Variants in LAMA5 observed in about 807,000 individuals in gnomAD.
The protein encoded by LAMA5 is laminin subunit alpha-5.
LAMA5 carries 260 observed loss-of-function variants against 433.4 expected under a neutral mutation model. That is an observed-to-expected ratio of 0.60 (90% CI 0.54 to 0.66). The LOEUF is 0.66. LAMA5 is among the 30% of genes least tolerant of loss of function. The pLI is 0.00. For synonymous variants in LAMA5, 2,620 were observed against 2,226.6 expected (o/e 1.18, Z -4.97); for missense variants, 5,378 against 5,258.5 (o/e 1.02, Z -0.70).
rs992071073 is a variant in LAMA5, at chr20:62,359,456, C to G, written c.450+2944G>C. 7.1e-6 allele frequency among the ~76,000 whole-genome samples: 1 copy of G among 141,542 alleles called. No homozygotes were observed. Among genetic ancestry groups the G allele is most frequent in the Non-Finnish European group, 1.5e-5 (1 of 65,062 alleles). 92.9% of individuals were successfully genotyped at this position (141,542 alleles called of 152,430 possible). ...GGCCATGTGCCTGGGCAGTCATGAA[C>G]GCGCTCACCCTTCCCTGGGCCTGGG... On this transcript the variant is annotated intron_variant, in intron 2 of 79. Transcript: ENST00000252999. This position sits in a 1 kb window ranked among gnomAD's most constrained non-coding sequence, Gnocchi z 4.3.
At chr20:62,335,827 G>A (rs893720178) in intron 18 of LAMA5, among the ~76,000 whole-genome samples, 1 of 111,664 alleles carries the variant, frequency 9.0e-6, no homozygotes, top group Non-Finnish European at 1.8e-5. Context: ...TTCCCTCCAG[G>A]ACACCCTCAT....
Position 62,355,083 on chromosome 20 carries a change from A to G in LAMA5, c.451-1832T>C, listed in dbSNP as rs75206125. On this transcript the variant is annotated intron_variant, in intron 2 of 79. Transcript: ENST00000252999. Reference sequence around the variant, plus strand: ...GAGACCTTGGGAGACCTCAGTACTCAGCCCAACTCTTTGTGGGCGGCAGTG... The same window carrying G: ...GAGACCTTGGGAGACCTCAGTACTCGGCCCAACTCTTTGTGGGCGGCAGTG... Among the ~76,000 whole-genome samples, 76 of 152,286 alleles carry G rather than the reference A, an allele frequency of 5.0e-4. No homozygotes were observed. In the East Asian group the frequency reaches 0.015, roughly 29 times the overall value.
rs1294935328 is a variant in LAMA5 at position 62,337,952 on chromosome 20, A to C, written c.1892-14T>G. 6.2e-7 allele frequency: 1 copy of C among 1,605,812 alleles called. No individual in the cohort carries two copies. Among genetic ancestry groups the C allele is most frequent in the Non-Finnish European group, 8.5e-7 (1 of 1,176,354 alleles). The stretch of plus-strand genomic sequence containing the variant: ...CGCAGGTGCATGCTGCAGAGGGACA[A>C]TGGGGTCAGGCCCTGGCGCCATGTG... On this transcript the variant is annotated splice_polypyrimidine_tract_variant and intron_variant, in intron 14 of 79. Coordinates refer to ENST00000252999, the MANE Select transcript of LAMA5 (RefSeq NM_005560.6).
At chr20:62,317,626 G>T (rs1436307105) in intron 54 of LAMA5, 36 bp downstream of exon 54, 9 of 1,527,596 alleles carry the variant, frequency 5.9e-6, no homozygotes, top group Non-Finnish European at 8.0e-6. Context: ...GTTGGCCGTG[G>T]ATGGGGTGGC....
intron 1 of LAMA5, 88 bp downstream of exon 1, chr20:62,366,861 C>T: frequency 2.4e-6 from 3 of 1,226,612 alleles, no homozygotes; most frequent in South Asian, 4.2e-5. Context: ...GGACTCGCCC[C>T]GGGCCACGGC....
chr20:62,309,524 G>C, intron 79 of LAMA5, 49 bp from the exon 80 acceptor site: 1 of 1,469,842 alleles, frequency 6.8e-7, no homozygotes, highest in East Asian at 2.4e-5. Flanking sequence ...GGCAGCTAGA[G>C]ACCCACAGGC....
Position 62,327,857 on chromosome 20 carries a change from C to T in LAMA5, c.4797+9G>A. 1.2e-6 allele frequency: 2 copies of T among 1,601,860 alleles called. No individual in the cohort carries two copies. Among genetic ancestry groups the T allele is most frequent in the Non-Finnish European group, 1.7e-6 (2 of 1,174,086 alleles). On this transcript the variant is annotated intron_variant, in intron 36 of 79. Coordinates refer to ENST00000252999, the MANE Select transcript of LAMA5 (RefSeq NM_005560.6). ...GGAGAGGCCAGATCTGGGCCCAGCC[C>T]TCACTCACCTTACAGTAGCACTGCC...
In LAMA5 at chr20:62,311,108, T is replaced by C; in HGVS notation, c.10089-14A>G. ...GAGAGACTGGGCCTGGAAGCGGAGCTGGCGTCAGCCTGCGCGGCCCCTCTC... is the reference window on the plus strand; with the variant it reads ...GAGAGACTGGGCCTGGAAGCGGAGCCGGCGTCAGCCTGCGCGGCCCCTCTC... On this transcript the variant is annotated splice_polypyrimidine_tract_variant and intron_variant, in intron 73 of 79. Coordinates refer to ENST00000252999, the MANE Select transcript of LAMA5 (RefSeq NM_005560.6). 6.4e-7 allele frequency: 1 copy of C among 1,567,632 alleles called. No homozygotes were observed. Among genetic ancestry groups the C allele is most frequent in the African/African-American group, 1.4e-5 (1 of 73,706 alleles).
chr20:62,309,493 ATGGAAGAAGGC>A lies in LAMA5; in HGVS notation c.10949-29_10949-19del, dbSNP rs1985861456. On this transcript the variant is annotated intron_variant, in intron 79 of 79. Coordinates refer to ENST00000252999, the MANE Select transcript of LAMA5 (RefSeq NM_005560.6). ...CATGGGCTCTGGGGGCACAGGGAAGATGGAAGAAGGCTGGTTGGTGGGCAGCTAGAGACCCA... is the reference window on the plus strand; with the variant it reads ...CATGGGCTCTGGGGGCACAGGGAAGATGGTTGGTGGGCAGCTAGAGACCCA... 1 of 1,562,440 alleles carries A rather than the reference ATGGAAGAAGGC, an allele frequency of 6.4e-7. No individual in the cohort carries two copies. The highest frequency in any genetic ancestry group is 1.4e-5 in the African/African-American group (1 of 73,938).
Position 62,332,677 on chromosome 20 carries a change from C to A in LAMA5, c.3323G>T (p.Arg1108Leu). 1 of 1,611,066 alleles carries A rather than the reference C, an allele frequency of 6.2e-7. No homozygotes were observed. The highest frequency in any genetic ancestry group is 8.5e-7 in the Non-Finnish European group (1 of 1,179,220). The change falls in exon 27 of 80, where the codon CGC becomes CTC. Residue 1108 changes from arginine (R) to leucine (L), a missense_variant. By Grantham distance (102) the Arg-to-Leu change is moderately radical. Transcript: ENST00000252999. The part of the protein sequence containing the change: ...QLQVAVPQPG[R>L]YALVVEYANE... ...GGCGTACTCCACCACTAGGGCATAG[C>A]GGCCTGGCTGTGGCACTGCCACTTG...
At chr20:62,315,637 C>T (rs1163231529) in intron 58 of LAMA5, among the ~76,000 whole-genome samples, 1 of 152,204 alleles carries the variant, frequency 6.6e-6, no homozygotes, top group African/African-American at 2.4e-5. Context: ...ACGCTGACCA[C>T]TGTGCCCTCC....
chr20:62,309,624 C>G lies in LAMA5; in HGVS notation c.10948+92G>C, dbSNP rs1601260611. 8.9e-5 allele frequency: 34 copies of G among 381,720 alleles called. 3 individuals are homozygous for G. The African/African-American group carries it at 9.2e-4, about 10-fold the overall frequency. The allele number at this position is 381,720 out of a possible 1,614,324, so 23.6% of individuals were successfully genotyped here. A position where few individuals can be genotyped will look rare whatever the true frequency, so the allele number is the denominator to read the frequency against. ...GGGGTGGGAGGAGGGTGGGAGGGGG[C>G]AGGGGGTGGAGGGGTGGGGGGAGGG... On this transcript the variant is annotated intron_variant, in intron 79 of 79. Transcript: ENST00000252999.
intron 11 of LAMA5, among the ~76,000 whole-genome samples, chr20:62,342,557 T>C (rs1387154403): frequency 1.3e-5 from 2 of 151,832 alleles, no homozygotes; most frequent in Non-Finnish European, 2.9e-5. Context: ...CGGGCACCTG[T>C]AGTCCCAGCT....
rs745713776 is a variant in LAMA5, at chr20:62,324,202, G to T, written c.5646C>A (p.Asp1882Glu). The T allele has an allele frequency of 7.0e-6, 11 of 1,578,502 alleles. No individual in the cohort carries two copies. The highest frequency in any genetic ancestry group is 4.2e-5 in the African/African-American group (3 of 72,288). ...RCLPGSGVCV[D>E]CQHNTEGAHC... is the part of the protein sequence containing the mutation. The stretch of plus-strand genomic sequence containing the variant: ...GGGCCCCTTCGGTGTTGTGCTGGCA[G>T]TCCTGGGGCAGAGTGGACAGTCAGA... The change falls in exon 43 of 80, where the codon GAC becomes GAA. Residue 1882 changes from aspartate to glutamate, a missense_variant and splice_region_variant. Transcript: ENST00000252999. This position sits in a 1 kb window ranked among gnomAD's most constrained non-coding sequence, Gnocchi z 4.4.
rs1053932220 is a variant in LAMA5, at chr20:62,322,723, C to T, written c.6100G>A (p.Asp2034Asn). 37 of 1,533,440 alleles carry T rather than the reference C, an allele frequency of 2.4e-5. No individual in the cohort carries two copies. The highest frequency in any genetic ancestry group is 3.7e-5 in the South Asian group (3 of 81,248). The allele number at this position is 1,533,440 out of a possible 1,614,324, so 95.0% of individuals were successfully genotyped here. A position where few individuals can be genotyped will look rare whatever the true frequency, so the allele number is the denominator to read the frequency against. Residue 2034 changes from aspartate (D) to asparagine (N), a missense_variant, in exon 46 of 80, where the codon GAC becomes AAC. Coordinates refer to ENST00000252999, the MANE Select transcript of LAMA5 (RefSeq NM_005560.6). ...DCTPCGTEACDPHSGHCLCKA... is the reference protein window; with the variant it reads ...DCTPCGTEACNPHSGHCLCKA... ...CACAGGCAGTGCCCGCTGTGGGGGT[C>T]GCAGGCCTCTGTCCCACATGGGGTA... is the stretch of plus-strand genomic sequence containing the variant.
At position 62,327,989 on chromosome 20, in the gene LAMA5, C is replaced by T; in HGVS notation, c.4674G>A (p.Gly1558=). 2.5e-6 allele frequency: 4 copies of T among 1,612,104 alleles called. No homozygotes were observed. Among genetic ancestry groups the T allele is most frequent in the Non-Finnish European group, 3.4e-6 (4 of 1,179,852 alleles). Residue 1558 remains glycine (G), a synonymous_variant, in exon 36 of 80, where the codon GGG becomes GGA. Transcript: ENST00000252999. ...CCGGAGAGCAGGTATCACAGCGGCGCCCAGTCACGTTGGGTCTGCACCTGT... is the reference window on the plus strand; with the variant it reads ...CCGGAGAGCAGGTATCACAGCGGCGTCCAGTCACGTTGGGTCTGCACCTGT... ...GQCKCRPNVT[G]RRCDTCSPGF...
chr20:62,333,578 C>T lies in LAMA5; in HGVS notation c.3007G>A (p.Glu1003Lys), dbSNP rs552491432. 18 of 1,567,048 alleles carry T rather than the reference C, an allele frequency of 1.1e-5. No homozygotes were observed. The highest frequency in any genetic ancestry group is 1.7e-4 in the Middle Eastern group (1 of 5,996). ...CCCTGCCTCACCAGGAGCACCCCTT[C>T]GGCCTCCACACGCAGGGCCCAGGTG... ...PGTWALRVEA[E>K]GVLLDYVVLL... Residue 1003 changes from glutamate (E) to lysine (K), a missense_variant, in exon 24 of 80, where the codon GAA becomes AAA. Coordinates refer to ENST00000252999, the MANE Select transcript of LAMA5 (RefSeq NM_005560.6).
chr20:62,364,691 C>T (rs934227150), intron 1 of LAMA5, among the ~76,000 whole-genome samples: 6 of 152,352 alleles, frequency 3.9e-5, no homozygotes, highest in Non-Finnish European at 5.9e-5. Flanking sequence ...CCAGGGATCC[C>T]CTGATGCCCA....
At chr20:62,330,214 C>T (rs8184070) in intron 31 of LAMA5, among the ~76,000 whole-genome samples, 14 of 152,392 alleles carry the variant, frequency 9.2e-5, no homozygotes, top group East Asian at 7.7e-4. Flanking sequence ...GTGCTGCCAG[C>T]GGCATCCTGG....
Sources: allele counts gnomAD v4.1 joint callset (sites outside exome capture counted in the v4.1 genomes callset), GRCh38; gene constraint gnomAD v4.1.1; non-coding constraint Gnocchi (gnomAD v3.1); transcripts MANE v1.5; gene names NCBI Gene and HGNC (gene_info 2026-07-23, HGNC 2026-07-21).